Variants in DNTTIP2 observed in about 807,000 individuals in gnomAD.
DNTTIP2 encodes deoxynucleotidyltransferase terminal interacting protein 2, also known as deoxynucleotidyltransferase terminal-interacting protein 2.
Under a neutral mutation model 62.4 loss-of-function variants are expected in DNTTIP2, and 47 were observed. The observed-to-expected ratio is 0.75, with a 90% CI of 0.60 to 0.96. DNTTIP2 has a LOEUF of 0.96. Among genes scored for constraint, DNTTIP2 ranks in the 40% least tolerant of loss-of-function variants. The pLI, the probability that DNTTIP2 is intolerant of heterozygous loss-of-function variation, is 0.00. For synonymous variants in DNTTIP2, 322 were observed against 300.9 expected (o/e 1.07, Z -0.73); for missense variants, 870 against 849.1 (o/e 1.02, Z -0.31).
rs1051723506 is a variant in DNTTIP2 at position 93,869,236 on chromosome 1, T to G, written c.*615A>C. On this transcript the variant is annotated 3_prime_UTR_variant, in exon 7 of 7. Coordinates refer to ENST00000436063, the MANE Select transcript of DNTTIP2 (RefSeq NM_014597.5). The stretch of plus-strand genomic sequence containing the variant: ...AAATTATAGTTTAATCCTGTTTTAC[T>G]TGGACCACAACACTTAAATCTAGAT... 4 of 152,212 alleles carry G rather than the reference T, an allele frequency of 2.6e-5. No individual in the cohort carries two copies. The highest frequency in any genetic ancestry group is 9.6e-5 in the African/African-American group (4 of 41,454). The allele number at this position is 152,212 out of a possible 1,614,324, so 9.4% of individuals were successfully genotyped here.
chr1:93,878,028 C>A (rs1571186731), intron 1 of DNTTIP2, 166 bp from the exon 2 acceptor site: 1 of 1,105,126 alleles, frequency 9.0e-7, no homozygotes, highest in Non-Finnish European at 1.2e-6. Flanking sequence ...AAAATTTGGC[C>A]GGGCGCGGTG....
rs372711956 is a variant in DNTTIP2, at chr1:93,867,143, CA to C, written c.*2707del. 257 of 90,124 alleles carry C rather than the reference CA, an allele frequency of 2.9e-3. 1 individual carries two copies. The South Asian group carries it at 0.038, about 13-fold the overall frequency. The allele number at this position is 90,124 out of a possible 1,614,324, so 5.6% of individuals were successfully genotyped here. The stretch of plus-strand genomic sequence containing the variant: ...GGCGACAGAGCGAGAGTCCGTCTCT[CA>C]AAAAAAAAAAAAAAAAAAGCATCTT... On this transcript the variant is annotated 3_prime_UTR_variant, in exon 7 of 7. Transcript: ENST00000436063.
intron 3 of DNTTIP2, 32 bp downstream of exon 3, chr1:93,875,613 T>G: frequency 6.3e-7 from 1 of 1,596,728 alleles, no homozygotes; most frequent in Non-Finnish European, 8.5e-7. Context: ...ATTGGTTAGT[T>G]CTGTGAAAAC....
rs1655918358 is a variant in DNTTIP2 at position 93,873,381 on chromosome 1, CAGG to C, written c.1807-170_1807-168del. 5 of 506,500 alleles carry C rather than the reference CAGG, an allele frequency of 9.9e-6. No homozygotes were observed. In the South Asian group the frequency reaches 1.2e-4, roughly 12 times the overall value. The allele number at this position is 506,500 out of a possible 1,614,324, so 31.4% of individuals were successfully genotyped here. ...CCAAGGGAGGAGGATCACTTGAGGC[CAGG>C]AGTTTTAGACCACCTTGGTCAACAT... On this transcript the variant is annotated intron_variant, in intron 3 of 6. Transcript: ENST00000436063.
In DNTTIP2 at chr1:93,879,157, C is replaced by T; in HGVS notation, c.-9G>A. ...GATCTGGTAACCACCATCTTTCCGG[C>T]TCCCTCGCGACCACCACGACTTCCC... On this transcript the variant is annotated 5_prime_UTR_variant, in exon 1 of 7. Coordinates refer to ENST00000436063, the MANE Select transcript of DNTTIP2 (RefSeq NM_014597.5). 6.2e-7 allele frequency: 1 copy of T among 1,611,966 alleles called. No individual in the cohort carries two copies. Among genetic ancestry groups the T allele is most frequent in the Non-Finnish European group, 8.5e-7 (1 of 1,179,410 alleles).
intron 3 of DNTTIP2, among the ~76,000 whole-genome samples, chr1:93,873,748 A>G (rs1161987927): frequency 6.6e-6 from 1 of 152,256 alleles, no homozygotes; most frequent in African/African-American, 2.4e-5. Context: ...CCTGGGTAAC[A>G]TAAGAAAACG....
rs1571182208 is a variant in DNTTIP2 at position 93,870,968 on chromosome 1, G to A, written c.2068-176C>T. 7.5e-6 allele frequency: 3 copies of A among 398,250 alleles called. No individual in the cohort carries two copies. In the East Asian group the frequency reaches 1.1e-4, roughly 15 times the overall value. 24.7% of individuals were successfully genotyped at this position (398,250 alleles called of 1,614,324 possible). A position where few individuals can be genotyped will look rare whatever the true frequency, so the allele number is the denominator to read the frequency against. The stretch of plus-strand genomic sequence containing the variant: ...AAAAAAAAAAAAGTAGCATAGTGGT[G>A]CTATTATGTTTCTTCAGTAGTTTAT... On this transcript the variant is annotated intron_variant, in intron 5 of 6. Coordinates refer to ENST00000436063, the MANE Select transcript of DNTTIP2 (RefSeq NM_014597.5).
At position 93,868,433 on chromosome 1, in the gene DNTTIP2, G is replaced by A. The variant is rs1307192878; in HGVS notation, c.*1418C>T. 1 of 152,218 alleles carries A rather than the reference G, an allele frequency of 6.6e-6. No individual in the cohort carries two copies. The highest frequency in any genetic ancestry group is 6.5e-5 in the Admixed American group (1 of 15,280). 9.4% of individuals were successfully genotyped at this position (152,218 alleles called of 1,614,324 possible). ...ACTAGTTCAACCATTGTGGAAGACAGTGTGGTGATTCCGCAAGGATCTAGG... is the reference window on the plus strand; with the variant it reads ...ACTAGTTCAACCATTGTGGAAGACAATGTGGTGATTCCGCAAGGATCTAGG... On this transcript the variant is annotated 3_prime_UTR_variant, in exon 7 of 7. Transcript: ENST00000436063.
rs759541509 is a variant in DNTTIP2, at chr1:93,876,709, C to T, written c.1226G>A (p.Ser409Asn). ...DEEESTVISV[S>N]EDMNSEGNVD... ...ATTCCCTTCACTGTTCATGTCTTCACTGACACTTATAACTGTGGACTCTTC... is the reference window on the plus strand; with the variant it reads ...ATTCCCTTCACTGTTCATGTCTTCATTGACACTTATAACTGTGGACTCTTC... The change falls in exon 2 of 7, where the codon AGT (serine) becomes AAT (asparagine). Residue 409 changes from serine (S) to asparagine (N), a missense_variant. By Grantham distance (46) the Ser-to-Asn change is conservative. Transcript: ENST00000436063. 1.2e-6 allele frequency: 2 copies of T among 1,614,040 alleles called. No homozygotes were observed. The highest frequency in any genetic ancestry group is 1.7e-6 in the Non-Finnish European group (2 of 1,179,894).
Position 93,876,748 on chromosome 1 carries a change from C to T in DNTTIP2, c.1187G>A (p.Gly396Asp). The T allele has an allele frequency of 6.2e-7, 1 of 1,613,972 alleles. No individual in the cohort carries two copies. Residue 396 changes from glycine (G) to aspartate (D), a missense_variant, in exon 2 of 7, where the codon GGT becomes GAT. By Grantham distance (94) the Gly-to-Asp change is moderately conservative (BLOSUM62 -1). Transcript: ENST00000436063. ...TGTGGACTCTTCTTCATCATCACTACCACCACAATCACCAAACTTTGTCAA... is the reference window on the plus strand; with the variant it reads ...TGTGGACTCTTCTTCATCATCACTATCACCACAATCACCAAACTTTGTCAA... Reference protein sequence around the residue: ...SDLTKFGDCGGSDDEEESTVI... With the variant: ...SDLTKFGDCGDSDDEEESTVI...
At position 93,868,370 on chromosome 1, in the gene DNTTIP2, G is replaced by C. The variant is rs923481728; in HGVS notation, c.*1481C>G. The C allele has an allele frequency of 1.3e-5, 2 of 152,192 alleles. No homozygotes were observed. The allele number at this position is 152,192 out of a possible 1,614,324, so 9.4% of individuals were successfully genotyped here. A position where few individuals can be genotyped will look rare whatever the true frequency, so the allele number is the denominator to read the frequency against. ...CAACAGATGCTGGAGAGGATATGGA[G>C]AACTAGGAACACTTTTACACTGTTG... On this transcript the variant is annotated 3_prime_UTR_variant, in exon 7 of 7. Coordinates refer to ENST00000436063, the MANE Select transcript of DNTTIP2 (RefSeq NM_014597.5).
rs1246230079 is a variant in DNTTIP2 at position 93,868,139 on chromosome 1, GAACTTA to G, written c.*1706_*1711del. On this transcript the variant is annotated 3_prime_UTR_variant, in exon 7 of 7. Coordinates refer to ENST00000436063, the MANE Select transcript of DNTTIP2 (RefSeq NM_014597.5). ...AGGGCTAATATCCAGAATCTACAAA[GAACTTA>G]AACAAATTTACAAGAAAAAACCCCA... 7 of 152,232 alleles carry G rather than the reference GAACTTA, an allele frequency of 4.6e-5. No homozygotes were observed. Among genetic ancestry groups the G allele is most frequent in the African/African-American group, 1.7e-4 (7 of 41,542 alleles). The allele number at this position is 152,232 out of a possible 1,614,324, so 9.4% of individuals were successfully genotyped here.
At chr1:93,875,623 C>T in intron 3 of DNTTIP2, 22 bp downstream of exon 3, 1 of 1,599,682 alleles carries the variant, frequency 6.3e-7, no homozygotes, top group South Asian at 1.2e-5. Context: ...TCTGTGAAAA[C>T]CTAACAGCAC....
In DNTTIP2 at chr1:93,875,637, T is replaced by C; in HGVS notation, c.1806+8A>G. The C allele has an allele frequency of 3.7e-6, 6 of 1,606,276 alleles. No individual in the cohort carries two copies. Among genetic ancestry groups the C allele is most frequent in the Non-Finnish European group, 4.2e-6 (5 of 1,177,946 alleles). ...TTCTGTGAAAACCTAACAGCACAATTAACTTACCTCATTTTTCTTTTTCTC... is the reference window on the plus strand; with the variant it reads ...TTCTGTGAAAACCTAACAGCACAATCAACTTACCTCATTTTTCTTTTTCTC... On this transcript the variant is annotated splice_region_variant and intron_variant, in intron 3 of 6. Transcript: ENST00000436063.
intron 3 of DNTTIP2, among the ~76,000 whole-genome samples, chr1:93,873,827 G>A (rs1242681654): frequency 6.6e-6 from 1 of 152,110 alleles, no homozygotes; most frequent in Non-Finnish European, 1.5e-5. Context: ...AATGATTTCT[G>A]TACTTTTGTT....
chr1:93,869,573 G>C lies in DNTTIP2; in HGVS notation c.*278C>G. The C allele has an allele frequency of 3.3e-6, 1 of 304,080 alleles. No homozygotes were observed. Among genetic ancestry groups the C allele is most frequent in the Non-Finnish European group, 6.2e-6 (1 of 161,404 alleles). 18.8% of individuals were successfully genotyped at this position (304,080 alleles called of 1,614,324 possible). A position where few individuals can be genotyped will look rare whatever the true frequency, so the allele number is the denominator to read the frequency against. On this transcript the variant is annotated 3_prime_UTR_variant, in exon 7 of 7. Transcript: ENST00000436063. ...AATTAAATTTTCTTTAAATAACTAA[G>C]CATTGAAAACTTTACAAACCATCAG...
Position 93,877,826 on chromosome 1 carries a change from T to G in DNTTIP2, c.109A>C (p.Ser37Arg). Residue 37 changes from serine (S) to arginine (R), a missense_variant, in exon 2 of 7, where the codon AGT (serine) becomes CGT (arginine). Physicochemically the swap from Ser to Arg is moderately radical, Grantham distance 110. Coordinates refer to ENST00000436063, the MANE Select transcript of DNTTIP2 (RefSeq NM_014597.5). ...GTTCGGGCATCAGATCCAGTACTAC[T>G]TTCTGGATGCGCTTGAATCCCATTA... ...AANGIQAHPE[S>R]STGSDARTTA... 6.2e-7 allele frequency: 1 copy of G among 1,603,772 alleles called. No individual in the cohort carries two copies. Among genetic ancestry groups the G allele is most frequent in the Non-Finnish European group, 8.5e-7 (1 of 1,179,800 alleles).
At position 93,867,837 on chromosome 1, in the gene DNTTIP2, G is replaced by C. The variant is rs1655759723; in HGVS notation, c.*2014C>G. On this transcript the variant is annotated 3_prime_UTR_variant, in exon 7 of 7. Transcript: ENST00000436063. ...AGTAGTTTTTTTTTAAAATAAAAGA[G>C]AACAGACATAGATGCTTCCCTAACT... is the stretch of plus-strand genomic sequence containing the variant. The C allele has an allele frequency of 6.7e-6, 1 of 149,958 alleles. No homozygotes were observed. The highest frequency in any genetic ancestry group is 1.5e-5 in the Non-Finnish European group (1 of 67,446). The allele number at this position is 149,958 out of a possible 1,614,324, so 9.3% of individuals were successfully genotyped here. A position where few individuals can be genotyped will look rare whatever the true frequency, so the allele number is the denominator to read the frequency against.
rs747046629 is a variant in DNTTIP2, at chr1:93,877,475, C to A, written c.460G>T (p.Val154Leu). 6.8e-6 allele frequency: 11 copies of A among 1,613,754 alleles called. No homozygotes were observed. The Admixed American group carries it at 1.0e-4, about 15-fold the overall frequency. The change falls in exon 2 of 7, where the codon GTG (valine) becomes TTG (leucine). Residue 154 changes from valine to leucine, a missense_variant. Physicochemically the swap from Val to Leu is conservative, Grantham distance 32 (BLOSUM62 1). Transcript: ENST00000436063. Reference protein sequence around the residue: ...ESHVSGISRIVLPTEKTTGAR... With the variant: ...ESHVSGISRILLPTEKTTGAR... ...CCTGTAGTTTTTTCTGTAGGAAGCA[C>A]AATTCTAGAAATACCTGAAACATGA...
Sources: allele counts gnomAD v4.1 joint callset (sites outside exome capture counted in the v4.1 genomes callset), GRCh38; gene constraint gnomAD v4.1.1; transcripts MANE v1.5; gene names NCBI Gene and HGNC (gene_info 2026-07-23, HGNC 2026-07-21).